The following YAF2 variants were observed in gnomAD, a reference collection of about 807,000 sequenced individuals.
The protein encoded by YAF2 is YY1 associated factor 2.
In YAF2, 7 loss-of-function variants were observed where a neutral mutation model predicts 20.1. The ratio of observed to expected loss-of-function variants is 0.35; its 90% CI spans 0.20 to 0.65. YAF2 has a LOEUF of 0.65. YAF2 is among the 30% of genes least tolerant of loss of function. The probability of loss-of-function intolerance (pLI) is 0.69; values close to 1 mark genes in which losing one functional copy is unlikely to be tolerated. For synonymous variants in YAF2, 74 were observed against 76.0 expected, an observed-to-expected ratio of 0.97 and a Z score of 0.14; for missense variants, 151 against 219.2, an observed-to-expected ratio of 0.69 and a Z score of 1.96.
intron 2 of YAF2, among the ~76,000 whole-genome samples, chr12:42,185,583 C>G (rs1193468178): frequency 6.6e-6 from 1 of 152,168 alleles, no homozygotes; most frequent in African/African-American, 2.4e-5. Context: ...GCCACCCCAA[C>G]CTTCAACAAT....
At chr12:42,221,091 T>C (rs1169877299) in intron 2 of YAF2, among the ~76,000 whole-genome samples, 1 of 152,236 alleles carries the variant, frequency 6.6e-6, no homozygotes, top group African/African-American at 2.4e-5. Flanking sequence ...TTATTCACCA[T>C]ACTATTAGCC....
chr12:42,230,754 C>T lies in YAF2; in HGVS notation c.152+6845G>A, dbSNP rs2067961942. Among the ~76,000 whole-genome samples the T allele has an allele frequency of 2.6e-5, 4 of 152,106 alleles. No homozygotes were observed. The Middle Eastern group carries it at 0.01, about 388-fold the overall frequency. ...TCCAGAAAGGAGTTTATGCCACATA[C>T]AAAGTAAAGAATATACAGATGCCAA... On this transcript the variant is annotated intron_variant, in intron 2 of 3. Transcript: ENST00000534854.
chr12:42,160,527 G>T lies in YAF2; in HGVS notation c.*62C>A. The T allele has an allele frequency of 7.9e-7, 1 of 1,260,080 alleles. No homozygotes were observed. The highest frequency in any genetic ancestry group is 1.1e-6 in the Non-Finnish European group (1 of 878,458). The allele number at this position is 1,260,080 out of a possible 1,614,324, so 78.1% of individuals were successfully genotyped here. A position where few individuals can be genotyped will look rare whatever the true frequency, so the allele number is the denominator to read the frequency against. On this transcript the variant is annotated 3_prime_UTR_variant, in exon 4 of 4. Transcript: ENST00000534854. Reference sequence around the variant, plus strand: ...CTGTCATGAAAATGTGGTACCTCTTGGCATAATCTGTGTATTTGCATGGTA... The same window carrying T: ...CTGTCATGAAAATGTGGTACCTCTTTGCATAATCTGTGTATTTGCATGGTA...
intron 2 of YAF2, among the ~76,000 whole-genome samples, chr12:42,179,632 T>A (rs957941928): frequency 3.3e-5 from 5 of 151,464 alleles, no homozygotes; most frequent in African/African-American, 1.2e-4. Flanking sequence ...CTACAAAAAA[T>A]ATAAAAATGA....
At chr12:42,168,150 T>C (rs1482226660) in intron 2 of YAF2, among the ~76,000 whole-genome samples, 2 of 151,796 alleles carry the variant, frequency 1.3e-5, no homozygotes, top group Admixed American at 6.6e-5. Context: ...TCCCATCACG[T>C]CTATCTCAAG....
chr12:42,161,456 T>C (rs1592140991), intron 3 of YAF2, 157 bp downstream of exon 3: 2 of 735,844 alleles, frequency 2.7e-6, no homozygotes, highest in South Asian at 3.8e-5. Context: ...TTTAATTTCC[T>C]ATGTATCTTT....
At chr12:42,209,754 T>C (rs2067152649) in intron 2 of YAF2, among the ~76,000 whole-genome samples, 1 of 152,194 alleles carries the variant, frequency 6.6e-6, no homozygotes. Context: ...GGCTTCCCTA[T>C]ATTGCTTTAG....
intron 2 of YAF2, among the ~76,000 whole-genome samples, chr12:42,179,360 C>T (rs1242018528): frequency 6.6e-6 from 1 of 152,198 alleles, no homozygotes; most frequent in Non-Finnish European, 1.5e-5. Context: ...ATCTCAGCTA[C>T]TCAGGAGGCT....
rs2068229269 is a variant in YAF2, at chr12:42,237,841, C to T, written c.27-117G>A. 3 of 910,372 alleles carry T rather than the reference C, an allele frequency of 3.3e-6. No homozygotes were observed. The African/African-American group carries it at 5.5e-5, about 17-fold the overall frequency. 56.4% of individuals were successfully genotyped at this position (910,372 alleles called of 1,614,324 possible). A position where few individuals can be genotyped will look rare whatever the true frequency, so the allele number is the denominator to read the frequency against. On this transcript the variant is annotated intron_variant, in intron 1 of 3. Coordinates refer to ENST00000534854, the MANE Select transcript of YAF2 (RefSeq NM_005748.6). The stretch of plus-strand genomic sequence containing the variant: ...CCGCCCCAATTCTGCGACCCCCGCC[C>T]CGCGGGCCCTCGGCGCGCCGCGCTC...
chr12:42,228,040 C>A (rs1481188048), intron 2 of YAF2, among the ~76,000 whole-genome samples: 6 of 112,646 alleles, frequency 5.3e-5, no homozygotes, highest in Non-Finnish European at 9.6e-5. Flanking sequence ...GCCCTCCGCC[C>A]GGCCAGCCGC....
chr12:42,175,697 G>A (rs1332543174), intron 2 of YAF2, among the ~76,000 whole-genome samples: 2 of 110,266 alleles, frequency 1.8e-5, no homozygotes, highest in African/African-American at 3.5e-5. Flanking sequence ...CAACGAGATC[G>A]CACCACTACA....
intron 2 of YAF2, chr12:42,231,640 C>T (rs1025031338): frequency 2.6e-5 from 4 of 152,170 alleles, no homozygotes; most frequent in Admixed American, 6.5e-5. Flanking sequence ...AATCATACAT[C>T]GGTAACTAGG....
chr12:42,185,449 AAAG>A (rs1212482632), intron 2 of YAF2, among the ~76,000 whole-genome samples: 1 of 152,242 alleles, frequency 6.6e-6, no homozygotes, highest in Non-Finnish European at 1.5e-5. Context: ...TTAAATTTTG[AAAG>A]AAGTTTTGCT....
chr12:42,220,874 C>T (rs980838365), intron 2 of YAF2, among the ~76,000 whole-genome samples: 1 of 152,102 alleles, frequency 6.6e-6, no homozygotes, highest in African/African-American at 2.4e-5. Context: ...GATTATATTA[C>T]TATCAGTGAT....
At chr12:42,215,775 C>A (rs1826387) in intron 2 of YAF2, among the ~76,000 whole-genome samples, 105,803 of 151,702 alleles carry the variant, frequency 0.7, 37,969 homozygotes, top group African/African-American at 0.86. Context: ...CACCAAAAAA[C>A]ATTAGCCAGG....
At chr12:42,211,751 A>T (rs2067217576) in intron 2 of YAF2, among the ~76,000 whole-genome samples, 1 of 151,420 alleles carries the variant, frequency 6.6e-6, no homozygotes, top group Non-Finnish European at 1.5e-5. Flanking sequence ...CCAAAAAAAA[A>T]AAAAAAAAAA....
chr12:42,233,347 T>C lies in YAF2; in HGVS notation c.152+4252A>G. On this transcript the variant is annotated intron_variant, in intron 2 of 3. Transcript: ENST00000534854. ...GAAACCCAAACCAATAATTCTATCATTTTCATTTCTAAATATTTGCTATCT... is the reference window on the plus strand; with the variant it reads ...GAAACCCAAACCAATAATTCTATCACTTTCATTTCTAAATATTTGCTATCT... 3 of 985,276 alleles carry C rather than the reference T, an allele frequency of 3.0e-6. No homozygotes were observed. The South Asian group carries it at 1.4e-4, about 46-fold the overall frequency. The allele number at this position is 985,276 out of a possible 1,614,324, so 61.0% of individuals were successfully genotyped here. A position where few individuals can be genotyped will look rare whatever the true frequency, so the allele number is the denominator to read the frequency against.
At chr12:42,185,146 C>G (rs887287212) in intron 2 of YAF2, among the ~76,000 whole-genome samples, 1 of 152,136 alleles carries the variant, frequency 6.6e-6, no homozygotes. Context: ...CCACTGCACT[C>G]CAGCCTGGGC....
intron 2 of YAF2, among the ~76,000 whole-genome samples, chr12:42,168,140 T>G (rs2065956367): frequency 6.6e-6 from 1 of 151,876 alleles, no homozygotes; most frequent in Admixed American, 6.6e-5. Context: ...TGACAAACTT[T>G]CCCATCACGT....
Sources: gnomAD v4.1 joint callset for allele counts (sites outside exome capture counted in the v4.1 genomes callset) on GRCh38, gnomAD v4.1.1 for gene constraint, MANE v1.5 for transcripts, NCBI Gene and HGNC (gene_info 2026-07-23, HGNC 2026-07-21) for gene names.